The following FBXO32 variants were observed in gnomAD, a reference collection of about 807,000 sequenced individuals.
FBXO32 encodes the protein F-box only protein 32.
A neutral mutation model predicts 48.3 loss-of-function variants in FBXO32; 15 were observed. The ratio of observed to expected loss-of-function variants is 0.31; its 90% CI spans 0.21 to 0.48. The LOEUF (loss-of-function observed/expected upper bound fraction) is 0.48, where lower values mean the gene tolerates loss of function less well. FBXO32 is among the 20% of genes least tolerant of loss of function. The probability of loss-of-function intolerance (pLI) is 0.99; values close to 1 mark genes in which losing one functional copy is unlikely to be tolerated. For synonymous variants in FBXO32, 154 were observed against 165.9 expected (o/e 0.93, Z 0.55); for missense variants, 309 against 432.7 (o/e 0.71, Z 2.54).
chr8:123,504,447 C>T, intron 8 of FBXO32, among the ~76,000 whole-genome samples, 157 bp downstream of exon 8: 1 of 151,918 alleles, frequency 6.6e-6, no homozygotes, highest in South Asian at 2.1e-4. Context: ...TCCTTCCCCC[C>T]CACCCTCCCA....
chr8:123,526,149 T>C (rs1359333181), intron 4 of FBXO32, among the ~76,000 whole-genome samples: 1 of 152,122 alleles, frequency 6.6e-6, no homozygotes, highest in African/African-American at 2.4e-5. Context: ...ATCATTTCCA[T>C]TTTACAGATG....
chr8:123,513,016 T>A lies in FBXO32; in HGVS notation c.651+182A>T, dbSNP rs978314513. 2.0e-5 allele frequency among the ~76,000 whole-genome samples: 3 copies of A among 152,164 alleles called. No homozygotes were observed. The East Asian group carries it at 5.8e-4, about 29-fold the overall frequency. On this transcript the variant is annotated intron_variant, in intron 6 of 8. Transcript: ENST00000517956. The surrounding 1 kb of genome is among the most constrained non-coding windows in gnomAD (Gnocchi z 4.3). Reference sequence around the variant, plus strand: ...GTACTTTGATCCCGTTTTGCCAAGTTTTTCTTCCCACTTCCCTTTATCAGG... The same window carrying A: ...GTACTTTGATCCCGTTTTGCCAAGTATTTCTTCCCACTTCCCTTTATCAGG...
Position 123,503,344 on chromosome 8 carries a change from C to A in FBXO32, c.*29G>T, listed in dbSNP as rs1816537554. ...CCAGCTCTCCAGTCAGCAGGGGGAC[C>A]CTTCTGAAGTGTTGTCATGTGCTGG... On this transcript the variant is annotated 3_prime_UTR_variant, in exon 9 of 9. Transcript: ENST00000517956. 2.5e-6 allele frequency: 4 copies of A among 1,587,328 alleles called. No individual in the cohort carries two copies. The highest frequency in any genetic ancestry group is 2.6e-6 in the Non-Finnish European group (3 of 1,156,104).
chr8:123,519,415 G>A (rs80118933), intron 4 of FBXO32, among the ~76,000 whole-genome samples: 11,842 of 151,928 alleles, frequency 0.078, 561 homozygotes, highest in Non-Finnish European at 0.097. Flanking sequence ...GCCGGATGCG[G>A]TGGCGGGTGC....
chr8:123,528,135 A>G (rs57462310), intron 4 of FBXO32, among the ~76,000 whole-genome samples: 1,584 of 152,350 alleles, frequency 0.01, 23 homozygotes, highest in African/African-American at 0.036. Flanking sequence ...CAACTAATTA[A>G]ATCGGAAGCT....
At chr8:123,519,468 G>A (rs1357057662) in intron 4 of FBXO32, among the ~76,000 whole-genome samples, 8 of 149,682 alleles carry the variant, frequency 5.3e-5, no homozygotes, top group East Asian at 2.0e-4. Context: ...GGAGAATGGC[G>A]TGAACCCGGG....
intron 6 of FBXO32, among the ~76,000 whole-genome samples, chr8:123,512,230 A>G (rs2130514345): frequency 6.6e-6 from 1 of 152,288 alleles, no homozygotes; most frequent in South Asian, 2.1e-4. Context: ...TGAGCCTTCG[A>G]ATGATTCTGT....
chr8:123,536,317 C>G (rs1237921209), intron 1 of FBXO32, among the ~76,000 whole-genome samples: 4 of 152,128 alleles, frequency 2.6e-5, no homozygotes, highest in Admixed American at 6.5e-5. Context: ...TCAGAGGCAC[C>G]TTCAAAAGCA....
Position 123,521,591 on chromosome 8 carries a change from C to T in FBXO32, c.373-7258G>A, listed in dbSNP as rs554437740. ...GAAGCATCAACAAAAATAGCAGCTT[C>T]CTCTACCTGTTAGTTTAAAAGGACA... On this transcript the variant is annotated intron_variant, in intron 4 of 8. Transcript: ENST00000517956. Among the ~76,000 whole-genome samples the T allele has an allele frequency of 1.1e-4, 17 of 152,334 alleles. No individual in the cohort carries two copies. The South Asian group carries it at 1.9e-3, about 17-fold the overall frequency.
At chr8:123,531,599 G>A (rs1817210783) in intron 4 of FBXO32, among the ~76,000 whole-genome samples, 1 of 152,224 alleles carries the variant, frequency 6.6e-6, no homozygotes, top group African/African-American at 2.4e-5. Flanking sequence ...CACAGGGTGG[G>A]CTCGGAAGGG....
chr8:123,517,183 T>G (rs866518653), intron 4 of FBXO32, among the ~76,000 whole-genome samples: 2 of 151,942 alleles, frequency 1.3e-5, no homozygotes, highest in East Asian at 1.9e-4. Context: ...GGGCAAGGGG[T>G]TGGGAGGAAG....
Position 123,521,391 on chromosome 8 carries a change from G to A in FBXO32, c.373-7058C>T, listed in dbSNP as rs62521276. Among the ~76,000 whole-genome samples the A allele has an allele frequency of 8.7e-4, 133 of 152,240 alleles. 2 individuals are homozygous for A. The highest frequency in any genetic ancestry group is 8.7e-4 in the Non-Finnish European group (59 of 68,052). On this transcript the variant is annotated intron_variant, in intron 4 of 8. Transcript: ENST00000517956. ...GGCCAAATGACACATCAAGGTCAAT[G>A]GTGGACCATCTGGCTGGTCAGGCTG...
chr8:123,540,945 G>A lies in FBXO32; in HGVS notation c.70C>T (p.Arg24Cys). 1 of 1,613,420 alleles carries A rather than the reference G, an allele frequency of 6.2e-7. No homozygotes were observed. The highest frequency in any genetic ancestry group is 8.5e-7 in the Non-Finnish European group (1 of 1,179,714). ...NWVKTADGWK[R>C]FLDEKSGSFV... Reference sequence around the variant, plus strand: ...CTGCCGCTCTTCTCATCCAGGAAGCGCTTCCAGCCGTCGGCCGTCTTCACC... The same window carrying A: ...CTGCCGCTCTTCTCATCCAGGAAGCACTTCCAGCCGTCGGCCGTCTTCACC... Residue 24 changes from arginine to cysteine, a missense_variant, in exon 1 of 9, where the codon CGC becomes TGC. Arg to Cys is a radical substitution (Grantham distance 180). Transcript: ENST00000517956. The surrounding 1 kb of genome is among the most constrained non-coding windows in gnomAD (Gnocchi z 6.4).
rs1362267934 is a variant in FBXO32 at position 123,513,965 on chromosome 8, AC to A, written c.466+274del. On this transcript the variant is annotated intron_variant, in intron 5 of 8. Coordinates refer to ENST00000517956, the MANE Select transcript of FBXO32 (RefSeq NM_058229.4). This position sits in a 1 kb window ranked among gnomAD's most constrained non-coding sequence, Gnocchi z 4.3. ...CGGAGGCTCGGTAGCCAGTGTTGGG[AC>A]CTGTGTCTACACTGAGAAGCCTACG... The A allele has an allele frequency of 5.6e-6, 2 of 357,774 alleles. No homozygotes were observed. Among genetic ancestry groups the A allele is most frequent in the African/African-American group, 4.2e-5 (2 of 47,566 alleles). 22.2% of individuals were successfully genotyped at this position (357,774 alleles called of 1,614,324 possible).
intron 4 of FBXO32, among the ~76,000 whole-genome samples, chr8:123,528,618 T>TA (rs751657521): frequency 7.9e-5 from 12 of 152,340 alleles, no homozygotes; most frequent in Non-Finnish European, 1.3e-4. Context: ...GTAGAAATGT[T>TA]ATATAAACAT....
chr8:123,535,964 T>A (rs552795834), intron 1 of FBXO32, among the ~76,000 whole-genome samples: 1 of 152,334 alleles, frequency 6.6e-6, no homozygotes, highest in East Asian at 1.9e-4. Context: ...ACATCTGCAC[T>A]TCTCTATTTC....
Position 123,541,054 on chromosome 8 carries a change from G to A in FBXO32, c.-40C>T, listed in dbSNP as rs747770170. ...ACTAGACGGATGGGGAGACGGGGCC[G>A]GCCTGGTGGGCTCGGGGACGTGCCA... On this transcript the variant is annotated 5_prime_UTR_variant, in exon 1 of 9. Transcript: ENST00000517956. 1 of 1,404,088 alleles carries A rather than the reference G, an allele frequency of 7.1e-7. No individual in the cohort carries two copies. Among genetic ancestry groups the A allele is most frequent in the Non-Finnish European group, 9.7e-7 (1 of 1,026,612 alleles). The allele number at this position is 1,404,088 out of a possible 1,614,324, so 87.0% of individuals were successfully genotyped here.
rs1368413301 is a variant in FBXO32, at chr8:123,508,563, A to G, written c.652-1989T>C. Among the ~76,000 whole-genome samples, 7 of 152,284 alleles carry G rather than the reference A, an allele frequency of 4.6e-5. No homozygotes were observed. The East Asian group carries it at 1.3e-3, about 29-fold the overall frequency. Reference sequence around the variant, plus strand: ...TTCAGCCTCCTATTTCATTCAAAGTATCTATGACTTGACAATTTATACCGC... The same window carrying G: ...TTCAGCCTCCTATTTCATTCAAAGTGTCTATGACTTGACAATTTATACCGC... On this transcript the variant is annotated intron_variant, in intron 6 of 8. Transcript: ENST00000517956.
chr8:123,514,215 G>A (rs768726532), intron 5 of FBXO32, 25 bp downstream of exon 5: 5 of 1,583,894 alleles, frequency 3.2e-6, no homozygotes, highest in Non-Finnish European at 4.3e-6. Context: ...TATAAAAAGG[G>A]GCGAGAGAGT....
Sources: gnomAD v4.1 joint callset for allele counts (sites outside exome capture counted in the v4.1 genomes callset) on GRCh38, gnomAD v4.1.1 for gene constraint, Gnocchi (gnomAD v3.1) non-coding constraint, MANE v1.5 for transcripts, NCBI Gene and HGNC (gene_info 2026-07-23, HGNC 2026-07-21) for gene names.